Variants in CNOT1 observed in about 807,000 individuals in gnomAD.
CNOT1 encodes CCR4-associated factor 1.
In CNOT1, 15 loss-of-function variants were observed where a neutral mutation model predicts 273.8. That is an observed-to-expected ratio of 0.05 (90% confidence interval 0.04 to 0.08). The LOEUF (loss-of-function observed/expected upper bound fraction) is 0.08, where lower values mean the gene tolerates loss of function less well. Ranked by LOEUF, CNOT1 falls within the 10% of genes least tolerant of loss-of-function variation. CNOT1 has a pLI of 1.00. For synonymous variants in CNOT1, 1,022 were observed against 1,005.5 expected (o/e 1.02, Z -0.31); for missense variants, 1,644 against 2,912.2 (o/e 0.56, Z 10.02).
Position 58,535,067 on chromosome 16 carries a change from T to C in CNOT1, c.5647-672A>G, listed in dbSNP as rs571589202. Among the ~76,000 whole-genome samples, 7 of 152,328 alleles carry C rather than the reference T, an allele frequency of 4.6e-5. No individual in the cohort carries two copies. The South Asian group carries it at 1.0e-3, about 23-fold the overall frequency. ...GAAGTGAAGCACAGTGGGAATGTTA[T>C]TTGGCTAGTTCCCCTCAACCCTTTA... On this transcript the variant is annotated intron_variant, in intron 39 of 48. Coordinates refer to ENST00000317147, the MANE Select transcript of CNOT1 (RefSeq NM_016284.5).
At chr16:58,605,672 C>G (rs1478590214) in intron 1 of CNOT1, among the ~76,000 whole-genome samples, 1 of 152,082 alleles carries the variant, frequency 6.6e-6, no homozygotes, top group Non-Finnish European at 1.5e-5. Context: ...TAAATTACCT[C>G]TTTATTTTCC....
chr16:58,599,007 T>C lies in CNOT1; in HGVS notation c.102+229A>G, dbSNP rs190712030. 3.2e-4 allele frequency: 112 copies of C among 347,760 alleles called. 1 individual carries two copies. Among genetic ancestry groups the C allele is most frequent in the South Asian group, 1.0e-3 (38 of 36,876 alleles). 21.5% of individuals were successfully genotyped at this position (347,760 alleles called of 1,614,324 possible). A position where few individuals can be genotyped will look rare whatever the true frequency, so the allele number is the denominator to read the frequency against. ...CAGAGGATGCAGTGAGCCGAGATCA[T>C]GCCACTGCACTCCAGCCTGGACGAC... On this transcript the variant is annotated intron_variant, in intron 2 of 48. Transcript: ENST00000317147.
In CNOT1 at chr16:58,543,699, A is replaced by G; in HGVS notation, c.4342T>C (p.Leu1448=). The change falls in exon 31 of 49, where the codon TTG becomes CTG. Residue 1448 remains leucine, a synonymous_variant. Coordinates refer to ENST00000317147, the MANE Select transcript of CNOT1 (RefSeq NM_016284.5). Reference sequence around the variant, plus strand: ...GTAATCATAGCCATTCCAGCTGTCAAGTTACGCATCATGTGATGAGCTGCT... The same window carrying G: ...GTAATCATAGCCATTCCAGCTGTCAGGTTACGCATCATGTGATGAGCTGCT... The part of the protein sequence containing the change: ...RIAAHHMMRN[L]TAGMAMITCR... The G allele has an allele frequency of 6.2e-7, 1 of 1,614,154 alleles. No homozygotes were observed. Among genetic ancestry groups the G allele is most frequent in the Non-Finnish European group, 8.5e-7 (1 of 1,180,032 alleles).
chr16:58,555,464 C>T lies in CNOT1; in HGVS notation c.2678G>A (p.Arg893Lys). 1.2e-6 allele frequency: 2 copies of T among 1,614,098 alleles called. No homozygotes were observed. Among genetic ancestry groups the T allele is most frequent in the Non-Finnish European group, 1.7e-6 (2 of 1,180,044 alleles). The change falls in exon 21 of 49, where the codon AGG (arginine) becomes AAG (lysine). Residue 893 changes from arginine to lysine, a missense_variant. By Grantham distance (26) the Arg-to-Lys change is conservative. Transcript: ENST00000317147. ...AAAACGATATTCTTCAAACAAGTTC[C>T]TTAGCATACAGTTAAATACTTCTCG... ...REREVFNCML[R>K]NLFEEYRFFP...
intron 8 of CNOT1, among the ~76,000 whole-genome samples, chr16:58,583,708 T>A (rs1406535376): frequency 6.6e-6 from 1 of 152,040 alleles, no homozygotes; most frequent in African/African-American, 2.4e-5. Flanking sequence ...ATGGCTAATT[T>A]TTGTATTTTT....
At chr16:58,580,862 G>T in intron 11 of CNOT1, 102 bp from the exon 12 acceptor site, 2 of 1,122,526 alleles carry the variant, frequency 1.8e-6, no homozygotes, top group South Asian at 1.8e-5. Flanking sequence ...TTATTAGCAT[G>T]GCAATTTCCC....
intron 1 of CNOT1, among the ~76,000 whole-genome samples, chr16:58,605,602 T>A (rs1223456745): frequency 1.3e-5 from 2 of 152,152 alleles, no homozygotes; most frequent in African/African-American, 4.8e-5. Flanking sequence ...GGGAAACAAC[T>A]ATAATTCTAA....
chr16:58,559,763 G>T (rs1009668024), intron 17 of CNOT1: 1 of 498,264 alleles, frequency 2.0e-6, no homozygotes, highest in South Asian at 1.4e-5. Context: ...TGCTCCCAGA[G>T]AGAAGGGGGT....
At chr16:58,565,676 C>T (rs2041014805) in intron 16 of CNOT1, among the ~76,000 whole-genome samples, 1 of 152,188 alleles carries the variant, frequency 6.6e-6, no homozygotes, top group Admixed American at 6.5e-5. Context: ...AGTGCAATGG[C>T]TCATACCTGT....
rs1315246933 is a variant in CNOT1, at chr16:58,585,469, T to G, written c.675A>C (p.Pro225=). The G allele has an allele frequency of 1.2e-6, 2 of 1,613,146 alleles. No individual in the cohort carries two copies. Among genetic ancestry groups the G allele is most frequent in the Non-Finnish European group, 1.7e-6 (2 of 1,179,908 alleles). Residue 225 remains proline, a synonymous_variant, in exon 8 of 49, where the codon CCA becomes CCC. Coordinates refer to ENST00000317147, the MANE Select transcript of CNOT1 (RefSeq NM_016284.5). The part of the protein sequence containing the change: ...PQERCPVVLA[P]LLYPEKRDIL... ...TGTCCCGTTTTTCAGGGTATAAAAG[T>G]GGTGCGAGCACCACGGGACAGCGTT...
Position 58,547,077 on chromosome 16 carries a change from C to CTTAA in CNOT1, c.3750+105_3750+108dup. The CTTAA allele has an allele frequency of 7.1e-7, 1 of 1,409,806 alleles. No individual in the cohort carries two copies. Among genetic ancestry groups the CTTAA allele is most frequent in the Non-Finnish European group, 9.5e-7 (1 of 1,057,406 alleles). 87.3% of individuals were successfully genotyped at this position (1,409,806 alleles called of 1,614,324 possible). A position where few individuals can be genotyped will look rare whatever the true frequency, so the allele number is the denominator to read the frequency against. ...TCCAAGTGCCATAGAGGAAAACAGA[C>CTTAA]TTAACTAGCTTTACCTCACAAGAAC... On this transcript the variant is annotated intron_variant, in intron 27 of 48. Transcript: ENST00000317147. This position sits in a 1 kb window ranked among gnomAD's most constrained non-coding sequence, Gnocchi z 4.0.
At chr16:58,616,454 G>A (rs2043086924) in intron 1 of CNOT1, among the ~76,000 whole-genome samples, 1 of 151,772 alleles carries the variant, frequency 6.6e-6, no homozygotes, top group South Asian at 2.1e-4. Flanking sequence ...ATGGGGTCTT[G>A]CTATATTGCC....
intron 2 of CNOT1, among the ~76,000 whole-genome samples, chr16:58,589,946 C>T (rs1267655554): frequency 6.6e-6 from 1 of 152,208 alleles, no homozygotes; most frequent in African/African-American, 2.4e-5. Flanking sequence ...TATTACCATT[C>T]CTAAAACAGA....
intron 48 of CNOT1, 45 bp downstream of exon 48, chr16:58,521,138 T>G (rs776403672): frequency 6.2e-7 from 1 of 1,612,960 alleles, no homozygotes; most frequent in Admixed American, 1.7e-5. Context: ...TGGTTTTCAG[T>G]CTCCAGTCTC....
rs1472916414 is a variant in CNOT1 at position 58,576,548 on chromosome 16, T to C, written c.1619A>G (p.His540Arg). ...QSPSIRQLIM[H>R]AMAEWYMRGE... ...TCTCATGTACCATTCTGCCATTGCA[T>C]GCATGATAAGTTGGCGAATTGAGGG... The change falls in exon 14 of 49, where the codon CAT becomes CGT. Residue 540 changes from histidine (H) to arginine (R), a missense_variant. This residue lies in a region of CNOT1 where 706 missense variants were observed against 1,021.2 expected (regional missense o/e 0.69). Coordinates refer to ENST00000317147, the MANE Select transcript of CNOT1 (RefSeq NM_016284.5). 1.2e-6 allele frequency: 2 copies of C among 1,614,062 alleles called. No homozygotes were observed. Among genetic ancestry groups the C allele is most frequent in the African/African-American group, 2.7e-5 (2 of 74,924 alleles).
chr16:58,525,200 C>A lies in CNOT1; in HGVS notation c.6763G>T (p.Ala2255Ser). The A allele has an allele frequency of 6.2e-7, 1 of 1,613,538 alleles. No homozygotes were observed. Among genetic ancestry groups the A allele is most frequent in the Non-Finnish European group, 8.5e-7 (1 of 1,180,036 alleles). The part of the protein sequence containing the change: ...SAHMDIFQNL[A>S]VDLDTEGRYL... ...TCACCCTCAGTGTCCAAGTCCACAG[C>A]CAAATTCTGGAAGATATCCATGTGT... is the stretch of plus-strand genomic sequence containing the variant. Residue 2255 changes from alanine (A) to serine (S), a missense_variant, in exon 46 of 49, where the codon GCT becomes TCT. Physicochemically the swap from Ala to Ser is moderately conservative, Grantham distance 99. Around this residue, in one of 13 missense-constraint regions of CNOT1, gnomAD observed 140 missense variants for 324.6 expected, o/e 0.43. Transcript: ENST00000317147.
At chr16:58,605,411 G>A (rs530917011) in intron 1 of CNOT1, among the ~76,000 whole-genome samples, 2 of 151,802 alleles carry the variant, frequency 1.3e-5, no homozygotes, top group East Asian at 1.9e-4. Context: ...GCTGAGGCAG[G>A]AGAATCACTT....
intron 1 of CNOT1, among the ~76,000 whole-genome samples, chr16:58,619,717 C>T (rs1173829136): frequency 1.3e-5 from 2 of 152,060 alleles, no homozygotes; most frequent in East Asian, 3.8e-4. Context: ...AGCCACCGCG[C>T]GTAGCCAAGT....
chr16:58,579,978 G>A (rs578229045), intron 12 of CNOT1, among the ~76,000 whole-genome samples: 1 of 152,164 alleles, frequency 6.6e-6, no homozygotes, highest in Non-Finnish European at 1.5e-5. Flanking sequence ...GAGAGACCGA[G>A]GCGGATGGAT....
Sources: gnomAD v4.1 joint callset for allele counts (sites outside exome capture counted in the v4.1 genomes callset) on GRCh38, gnomAD v4.1.1 for gene constraint, gnomAD v4.1.1 regional missense constraint, Gnocchi (gnomAD v3.1) non-coding constraint, MANE v1.5 for transcripts, NCBI Gene and HGNC (gene_info 2026-07-23, HGNC 2026-07-21) for gene names.